MUC5B: variants seen among roughly 807,000 people sequenced by gnomAD.
MUC5B encodes mucin 5B, oligomeric mucus/gel-forming, also known as mucin-5B.
Under a neutral mutation model 376.9 loss-of-function variants are expected in MUC5B, and 116 were observed. The observed-to-expected ratio is 0.31, with a 90% confidence interval of 0.26 to 0.36. The LOEUF (loss-of-function observed/expected upper bound fraction) is 0.36, where lower values mean the gene tolerates loss of function less well. Ranked by LOEUF, MUC5B falls within the 10% of genes least tolerant of loss-of-function variation. The pLI is 1.00. For missense variants in MUC5B, 7,165 were observed against 7,769.9 expected (o/e 0.92, Z 2.93); for synonymous variants, 3,517 against 3,390.9 (o/e 1.04, Z -1.29).
intron 46 of MUC5B, 40 bp downstream of exon 46, chr11:1,260,125 T>C (rs896200278): frequency 6.2e-7 from 1 of 1,605,144 alleles, no homozygotes; most frequent in South Asian, 1.1e-5. Context: ...GGAGTCCTTG[T>C]CCATCAGGGA....
Position 1,227,782 on chromosome 11 carries a change from G to A in MUC5B, c.774+1G>A, listed in dbSNP as rs1226562651. On this transcript the variant is annotated splice_donor_variant, in intron 7 of 48. Transcript: ENST00000529681. LOFTEE classifies it high-confidence loss of function. ...GCCGGCCGGCAACTGCACGGACGAG[G>A]TGAGTCCCCCGCCACCCCCAGCTCC... The A allele has an allele frequency of 2.8e-6, 2 of 707,032 alleles. No individual in the cohort carries two copies. 43.8% of individuals were successfully genotyped at this position (707,032 alleles called of 1,614,324 possible). A position where few individuals can be genotyped will look rare whatever the true frequency, so the allele number is the denominator to read the frequency against.
chr11:1,251,192 C>T lies in MUC5B; in HGVS notation c.14312C>T (p.Pro4771Leu), dbSNP rs759193898. The T allele has an allele frequency of 4.3e-6, 7 of 1,611,386 alleles. No individual in the cohort carries two copies. In the East Asian group the frequency reaches 1.3e-4, roughly 31 times the overall value. The change falls in exon 31 of 49, where the codon CCC (proline) becomes CTC (leucine). Residue 4771 changes from proline to leucine, a missense_variant. Around this residue, in one of 31 missense-constraint regions of MUC5B, gnomAD observed 730 missense variants for 592.7 expected, o/e 1.23. Transcript: ENST00000529681. Reference protein sequence around the residue: ...TWTVPAQTTTPMSTMSTIHTS... With the variant: ...TWTVPAQTTTLMSTMSTIHTS... Reference sequence around the variant, plus strand: ...ACCGTCCCAGCACAGACCACCACACCCATGTCCACCATGTCCACAATCCAC... The same window carrying T: ...ACCGTCCCAGCACAGACCACCACACTCATGTCCACCATGTCCACAATCCAC...
Position 1,248,979 on chromosome 11 carries a change from A to T in MUC5B, c.12099A>T (p.Ser4033=). ...GCACAGCCTGGACTTCGGCCACCTC[A>T]GGCACCTTGGGCACCACCCACATCA... ...TVRTAWTSAT[S]GTLGTTHITE... The change falls in exon 31 of 49, where the codon TCA becomes TCT. Residue 4033 remains serine (S), a synonymous_variant. Transcript: ENST00000529681. The T allele has an allele frequency of 3.7e-6, 6 of 1,604,204 alleles. No individual in the cohort carries two copies. Among genetic ancestry groups the T allele is most frequent in the Non-Finnish European group, 5.1e-6 (6 of 1,176,204 alleles).
Position 1,232,066 on chromosome 11 carries a change from G to C in MUC5B, c.1749G>C (p.Thr583=). ...CCCTCAGCGGGGTGGTGGAGGCCAC[G>C]GGCGCAGCCTTCGCCAACACCTGGA... ...FTALSGVVEA[T]GAAFANTWKA... Residue 583 remains threonine (T), a synonymous_variant, in exon 15 of 49, where the codon ACG becomes ACC. Transcript: ENST00000529681. 6.2e-7 allele frequency: 1 copy of C among 1,612,788 alleles called. No individual in the cohort carries two copies. The highest frequency in any genetic ancestry group is 1.1e-5 in the South Asian group (1 of 91,080).
At position 1,244,153 on chromosome 11, in the gene MUC5B, A is replaced by C. The variant is rs1209836248; in HGVS notation, c.7273A>C (p.Met2425Leu). ...PSTPATSSTA[M>L]PSSTPGTTWI... Reference sequence around the variant, plus strand: ...CACCCCGGCCACCAGCTCTACGGCCATGCCCTCCTCCACTCCGGGGACGAC... The same window carrying C: ...CACCCCGGCCACCAGCTCTACGGCCCTGCCCTCCTCCACTCCGGGGACGAC... The change falls in exon 31 of 49, where the codon ATG (methionine) becomes CTG (leucine). Residue 2425 changes from methionine (M) to leucine (L), a missense_variant. Coordinates refer to ENST00000529681, the MANE Select transcript of MUC5B (RefSeq NM_002458.3). The C allele has an allele frequency of 1.9e-6, 3 of 1,613,346 alleles. No individual in the cohort carries two copies. Among genetic ancestry groups the C allele is most frequent in the Non-Finnish European group, 2.5e-6 (3 of 1,179,762 alleles).
Position 1,226,238 on chromosome 11 carries a change from G to A in MUC5B, c.161G>A (p.Ser54Asn). The change falls in exon 3 of 49, where the codon AGC (serine) becomes AAC (asparagine). Residue 54 changes from serine to asparagine, a missense_variant. Physicochemically the swap from Ser to Asn is conservative, Grantham distance 46. This residue lies in a region of MUC5B where 640 missense variants were observed against 733.0 expected (regional missense o/e 0.87). Coordinates refer to ENST00000529681, the MANE Select transcript of MUC5B (RefSeq NM_002458.3). ...ACGTCCTCGCCCACCCGGCGCGTGA[G>A]CTTTGTTCCACCCGTCACTGTCTTC... The part of the protein sequence containing the change: ...APTSSPTRRV[S>N]FVPPVTVFPS... The A allele has an allele frequency of 6.4e-7, 1 of 1,556,842 alleles. No homozygotes were observed. The highest frequency in any genetic ancestry group is 1.2e-5 in the South Asian group (1 of 84,356).
In MUC5B at chr11:1,250,348, G is replaced by T; in HGVS notation, c.13468G>T (p.Val4490Phe). 1.2e-6 allele frequency: 2 copies of T among 1,613,184 alleles called. No individual in the cohort carries two copies. The highest frequency in any genetic ancestry group is 1.7e-6 in the Non-Finnish European group (2 of 1,179,606). Residue 4490 changes from valine to phenylalanine, a missense_variant, in exon 31 of 49, where the codon GTC (valine) becomes TTC (phenylalanine). Val to Phe is a conservative substitution (Grantham distance 50). Coordinates refer to ENST00000529681, the MANE Select transcript of MUC5B (RefSeq NM_002458.3). Reference protein sequence around the residue: ...HVSTTATTPTVTSSKATPSSS... With the variant: ...HVSTTATTPTFTSSKATPSSS... ...GAGCACCACGGCCACGACACCCACA[G>T]TCACCAGCTCCAAAGCCACTCCCTC... is the stretch of plus-strand genomic sequence containing the variant.
rs1182285340 is a variant in MUC5B, at chr11:1,239,877, A to T, written c.3662A>T (p.Tyr1221Phe). 1 of 1,613,060 alleles carries T rather than the reference A, an allele frequency of 6.2e-7. No homozygotes were observed. The highest frequency in any genetic ancestry group is 8.5e-7 in the Non-Finnish European group (1 of 1,179,660). Residue 1221 changes from tyrosine (Y) to phenylalanine (F), a missense_variant, in exon 28 of 49, where the codon TAC (tyrosine) becomes TTC (phenylalanine). Tyr to Phe is a conservative substitution (Grantham distance 22). Coordinates refer to ENST00000529681, the MANE Select transcript of MUC5B (RefSeq NM_002458.3). Reference sequence around the variant, plus strand: ...AAGTGCGTGGCCCAGTGTGGCTGCTACGACAAGGACGGAAACTACTATGAC... The same window carrying T: ...AAGTGCGTGGCCCAGTGTGGCTGCTTCGACAAGGACGGAAACTACTATGAC... ...QMKCVAQCGCYDKDGNYYDVG... is the reference protein window; with the variant it reads ...QMKCVAQCGCFDKDGNYYDVG...
Position 1,260,517 on chromosome 11 carries a change from C to G in MUC5B, c.16967-109C>G. 4 of 1,457,738 alleles carry G rather than the reference C, an allele frequency of 2.7e-6. No homozygotes were observed. In the East Asian group the frequency reaches 9.4e-5, roughly 34 times the overall value. 90.3% of individuals were successfully genotyped at this position (1,457,738 alleles called of 1,614,324 possible). A position where few individuals can be genotyped will look rare whatever the true frequency, so the allele number is the denominator to read the frequency against. ...CCCGCGTCCAGACTCCACCCTCGGT[C>G]CTGGAGGGCCATGGGAGGGGTGGTC... On this transcript the variant is annotated intron_variant, in intron 47 of 48. Coordinates refer to ENST00000529681, the MANE Select transcript of MUC5B (RefSeq NM_002458.3).
Position 1,250,175 on chromosome 11 carries a change from C to T in MUC5B, c.13295C>T (p.Ala4432Val), listed in dbSNP as rs369004960. 26 of 1,588,552 alleles carry T rather than the reference C, an allele frequency of 1.6e-5. 1 individual carries two copies. The highest frequency in any genetic ancestry group is 1.7e-4 in the Middle Eastern group (1 of 6,044). ...TELTTTATTT[A>V]STGSTATPSS... Reference sequence around the variant, plus strand: ...CTGACCACAACAGCCACTACGACTGCGTCCACTGGATCCACGGCCACCCCG... The same window carrying T: ...CTGACCACAACAGCCACTACGACTGTGTCCACTGGATCCACGGCCACCCCG... The change falls in exon 31 of 49, where the codon GCG (alanine) becomes GTG (valine). Residue 4432 changes from alanine to valine, a missense_variant. This residue lies in a region of MUC5B where 431 missense variants were observed against 390.4 expected (regional missense o/e 1.10). Transcript: ENST00000529681.
Position 1,258,218 on chromosome 11 carries a change from G to A in MUC5B, c.16555+15G>A, listed in dbSNP as rs757557200. ...CTTCCGCTGCAGTGAGCGGGGCTGG[G>A]GCCGGGCTCCTGGGTGGCCTCTTGC... On this transcript the variant is annotated intron_variant, in intron 42 of 48. Coordinates refer to ENST00000529681, the MANE Select transcript of MUC5B (RefSeq NM_002458.3). The surrounding 1 kb of genome is among the most constrained non-coding windows in gnomAD (Gnocchi z 5.5). 1 of 1,577,016 alleles carries A rather than the reference G, an allele frequency of 6.3e-7. No homozygotes were observed. Among genetic ancestry groups the A allele is most frequent in the Non-Finnish European group, 8.6e-7 (1 of 1,162,164 alleles).
At chr11:1,230,703 C>T in intron 12 of MUC5B, 103 bp downstream of exon 12, 1 of 1,060,434 alleles carries the variant, frequency 9.4e-7, no homozygotes, top group South Asian at 1.5e-5. Context: ...AGGCCAGGTC[C>T]CCCCTCCAGC....
chr11:1,246,038 T>A lies in MUC5B; in HGVS notation c.9158T>A (p.Val3053Glu). The A allele has an allele frequency of 6.2e-7, 1 of 1,610,188 alleles. No homozygotes were observed. The change falls in exon 31 of 49, where the codon GTG becomes GAG. Residue 3053 changes from valine (V) to glutamate (E), a missense_variant. Val to Glu is a moderately radical substitution (Grantham distance 121). Transcript: ENST00000529681. ...CCAAGGACTGCAACCACCCTTCCAGTGCTGACAAGCACAGCCACCAAATCC... is the reference window on the plus strand; with the variant it reads ...CCAAGGACTGCAACCACCCTTCCAGAGCTGACAAGCACAGCCACCAAATCC... The part of the protein sequence containing the change: ...SSPRTATTLP[V>E]LTSTATKSTA...
Position 1,241,826 on chromosome 11 carries a change from C to G in MUC5B, c.4946C>G (p.Ala1649Gly), listed in dbSNP as rs772105061. Residue 1649 changes from alanine (A) to glycine (G), a missense_variant, in exon 31 of 49, where the codon GCA (alanine) becomes GGA (glycine). Physicochemically the swap from Ala to Gly is moderately conservative, Grantham distance 60. Coordinates refer to ENST00000529681, the MANE Select transcript of MUC5B (RefSeq NM_002458.3). ...AGGGCTCCCCCGGCCAGCACCACAGCAGTCCCCACCCTCTCAGAAGGACTG... is the reference window on the plus strand; with the variant it reads ...AGGGCTCCCCCGGCCAGCACCACAGGAGTCCCCACCCTCTCAGAAGGACTG... ...LTRAPPASTT[A>G]VPTLSEGLTS... is the part of the protein sequence containing the mutation. The G allele has an allele frequency of 1.2e-6, 2 of 1,613,286 alleles. No homozygotes were observed. Among genetic ancestry groups the G allele is most frequent in the Non-Finnish European group, 1.7e-6 (2 of 1,179,652 alleles).
At chr11:1,256,594 A>G in intron 38 of MUC5B, 77 bp from the exon 39 acceptor site, 1 of 1,055,370 alleles carries the variant, frequency 9.5e-7, no homozygotes, top group African/African-American at 1.7e-5. Context: ...CCCACTGCCC[A>G]TCCTGGGGAC....
Position 1,249,404 on chromosome 11 carries a change from G to A in MUC5B, c.12524G>A (p.Arg4175His), listed in dbSNP as rs371798023. 48 of 1,611,286 alleles carry A rather than the reference G, an allele frequency of 3.0e-5. No individual in the cohort carries two copies. The highest frequency in any genetic ancestry group is 2.0e-4 in the African/African-American group (15 of 74,916). The change falls in exon 31 of 49, where the codon CGT becomes CAT. Residue 4175 changes from arginine to histidine, a missense_variant. This residue lies in a region of MUC5B where 34 missense variants were observed against 25.7 expected (regional missense o/e 1.32). Coordinates refer to ENST00000529681, the MANE Select transcript of MUC5B (RefSeq NM_002458.3). ...GAGCAGCCCCTGGGCCTCGAGTGCC[G>A]TGCCCAGGCCCAGCCTGGTGTCCCC... ...VCEQPLGLECRAQAQPGVPLG... is the reference protein window; with the variant it reads ...VCEQPLGLECHAQAQPGVPLG...
In MUC5B at chr11:1,241,014, C is replaced by T. The variant is rs749634798; in HGVS notation, c.4134C>T (p.Ile1378=). 6.2e-6 allele frequency: 10 copies of T among 1,612,886 alleles called. No individual in the cohort carries two copies. In the Admixed American group the frequency reaches 8.3e-5, roughly 13 times the overall value. ...GYQVCPVLAD[I]ECRAAQLPDM... Reference sequence around the variant, plus strand: ...AGGTATGCCCTGTGCTGGCTGACATCGAGTGCCGGGCGGCGCAGCTTCCCG... The same window carrying T: ...AGGTATGCCCTGTGCTGGCTGACATTGAGTGCCGGGCGGCGCAGCTTCCCG... Residue 1378 remains isoleucine, a synonymous_variant, in exon 31 of 49, where the codon ATC becomes ATT. Transcript: ENST00000529681.
At chr11:1,230,369 G>A (rs935776715) in intron 11 of MUC5B, 121 bp from the exon 12 acceptor site, 61 of 1,133,148 alleles carry the variant, frequency 5.4e-5, no homozygotes, top group Non-Finnish European at 6.3e-5. Flanking sequence ...GGTGACCAGA[G>A]GTGCCAAGGA....
In MUC5B at chr11:1,230,996, CT is replaced by C; in HGVS notation, c.1532del (p.Leu511ArgfsTer115). The C allele has an allele frequency of 6.3e-7, 1 of 1,594,272 alleles. No individual in the cohort carries two copies. The highest frequency in any genetic ancestry group is 8.5e-7 in the Non-Finnish European group (1 of 1,171,662). On this transcript the variant is annotated frameshift_variant, in exon 13 of 49. Transcript: ENST00000529681. LOFTEE classifies it high-confidence loss of function. ...CAACTCCATCTACACGCAGCTGCCC[CT>C]GTCGGCAGGTATGTGGCTCTCCCAG... ...FLNSIYTQLP[L>X]SAANITLFTP...
Sources: allele counts gnomAD v4.1 joint callset, GRCh38; gene constraint gnomAD v4.1.1; regional missense constraint gnomAD v4.1.1; non-coding constraint Gnocchi (gnomAD v3.1); transcripts MANE v1.5; gene names NCBI Gene and HGNC (gene_info 2026-07-23, HGNC 2026-07-21).